XRCC4: variants seen among roughly 807,000 people sequenced by gnomAD.
The protein encoded by XRCC4 is X-ray repair cross complementing 4.
Under a neutral mutation model 39.1 loss-of-function variants are expected in XRCC4, and 28 were observed. That is an observed-to-expected ratio of 0.72 (90% confidence interval 0.53 to 0.98). The LOEUF (loss-of-function observed/expected upper bound fraction) is 0.98, where lower values mean the gene tolerates loss of function less well. Ranked by LOEUF, XRCC4 falls within the 50% of genes least tolerant of loss-of-function variation. The probability of loss-of-function intolerance (pLI) is 0.00; values close to 1 mark genes in which losing one functional copy is unlikely to be tolerated. For missense variants in XRCC4, 350 were observed against 376.4 expected (o/e 0.93, Z 0.58); for synonymous variants, 123 against 126.4 (o/e 0.97, Z 0.18).
At chr5:83,282,388 T>C (rs1416335591) in intron 7 of XRCC4, among the ~76,000 whole-genome samples, 3 of 152,174 alleles carry the variant, frequency 2.0e-5, no homozygotes, top group Non-Finnish European at 4.4e-5. Flanking sequence ...TAGACAGTAC[T>C]TCTTAAAGTA....
chr5:83,209,144 G>T (rs1383314292), intron 6 of XRCC4, among the ~76,000 whole-genome samples: 1 of 150,674 alleles, frequency 6.6e-6, no homozygotes, highest in African/African-American at 2.4e-5. Context: ...AATCTGTTGG[G>T]TTATTATAGA....
At chr5:83,283,887 T>C (rs2112960407) in intron 7 of XRCC4, among the ~76,000 whole-genome samples, 1 of 152,138 alleles carries the variant, frequency 6.6e-6, no homozygotes. Context: ...GTCAGGACTT[T>C]CCCATGGTTT....
At chr5:83,207,070 C>T (rs1751449792) in intron 6 of XRCC4, among the ~76,000 whole-genome samples, 1 of 151,922 alleles carries the variant, frequency 6.6e-6, no homozygotes, top group Non-Finnish European at 1.5e-5. Flanking sequence ...CCCTAGTGTC[C>T]CATTTAAAAT....
At chr5:83,322,338 T>C (rs1207694474) in intron 7 of XRCC4, among the ~76,000 whole-genome samples, 1 of 152,092 alleles carries the variant, frequency 6.6e-6, no homozygotes, top group African/African-American at 2.4e-5. Flanking sequence ...TGACTTTATA[T>C]GCAATTAAAG....
intron 7 of XRCC4, among the ~76,000 whole-genome samples, chr5:83,287,564 C>T (rs979449878): frequency 6.6e-5 from 10 of 151,794 alleles, no homozygotes; most frequent in African/African-American, 1.7e-4. Flanking sequence ...GAAATCTAAT[C>T]GTAAAATCTT....
At chr5:83,111,320 T>G (rs534349596) in intron 3 of XRCC4, 117 bp downstream of exon 3, 1 of 748,552 alleles carries the variant, frequency 1.3e-6, no homozygotes, top group African/African-American at 1.8e-5. Context: ...AGCAAAAGCT[T>G]GAAAAGTACT....
At chr5:83,291,597 C>A (rs1476921331) in intron 7 of XRCC4, among the ~76,000 whole-genome samples, 1 of 151,850 alleles carries the variant, frequency 6.6e-6, no homozygotes, top group Non-Finnish European at 1.5e-5. Context: ...TATTCCCTCA[C>A]ACTTCATCTG....
intron 6 of XRCC4, among the ~76,000 whole-genome samples, chr5:83,245,248 T>C (rs1349080855): frequency 6.6e-6 from 1 of 151,512 alleles, no homozygotes; most frequent in Non-Finnish European, 1.5e-5. Flanking sequence ...AAAAAAAAAC[T>C]ATTCAGCGCT....
intron 3 of XRCC4, among the ~76,000 whole-genome samples, chr5:83,125,867 G>A (rs1053172540): frequency 2.0e-5 from 3 of 151,558 alleles, no homozygotes; most frequent in Non-Finnish European, 4.4e-5. Context: ...CCTGTAATCC[G>A]AGCTACTTGG....
chr5:83,113,918 A>G (rs1375851474), intron 3 of XRCC4, among the ~76,000 whole-genome samples: 1 of 152,124 alleles, frequency 6.6e-6, no homozygotes, highest in Non-Finnish European at 1.5e-5. Context: ...GAGCCACCGC[A>G]CCCAGCGCAG....
chr5:83,201,188 C>T (rs1751177208), intron 4 of XRCC4: 1 of 152,200 alleles, frequency 6.6e-6, no homozygotes, highest in African/African-American at 2.4e-5. Context: ...ATTAGCCATT[C>T]TCCTTGGCTC....
At chr5:83,178,619 G>A (rs1750068763) in intron 3 of XRCC4, among the ~76,000 whole-genome samples, 1 of 152,154 alleles carries the variant, frequency 6.6e-6, no homozygotes, top group Non-Finnish European at 1.5e-5. Context: ...GAGAATTTCA[G>A]TGGAGAATAT....
At chr5:83,153,347 T>G (rs1248401638) in intron 3 of XRCC4, among the ~76,000 whole-genome samples, 1 of 152,134 alleles carries the variant, frequency 6.6e-6, no homozygotes, top group African/African-American at 2.4e-5. Context: ...TAGCTGGGAT[T>G]ACAGGTGCCC....
chr5:83,212,543 T>C (rs961008970), intron 6 of XRCC4, among the ~76,000 whole-genome samples: 4 of 152,052 alleles, frequency 2.6e-5, no homozygotes, highest in Non-Finnish European at 5.9e-5. Flanking sequence ...AAAAAAATAC[T>C]TGAAAAAATG....
chr5:83,125,753 C>T (rs1202277858), intron 3 of XRCC4, among the ~76,000 whole-genome samples: 1 of 118,172 alleles, frequency 8.5e-6, no homozygotes, highest in Non-Finnish European at 1.8e-5. Flanking sequence ...CAGGCCGAGG[C>T]GGGTGGATCA....
chr5:83,328,316 A>T (rs1311203982), intron 7 of XRCC4, among the ~76,000 whole-genome samples: 2 of 152,146 alleles, frequency 1.3e-5, no homozygotes, highest in African/African-American at 4.8e-5. Flanking sequence ...GGATGGGGAC[A>T]CAGCCAAACC....
intron 3 of XRCC4, among the ~76,000 whole-genome samples, chr5:83,172,446 G>C (rs765039176): frequency 1.4e-4 from 22 of 152,226 alleles, no homozygotes; most frequent in Non-Finnish European, 2.9e-4. Context: ...AATTTCCACT[G>C]TAGTTCTCTC....
intron 6 of XRCC4, among the ~76,000 whole-genome samples, chr5:83,222,038 T>C (rs28360178): frequency 0.036 from 5,452 of 151,990 alleles, 147 homozygotes; most frequent in Non-Finnish European, 0.053. Context: ...TTTAATTTTT[T>C]TTACCATTAT....
intron 7 of XRCC4, among the ~76,000 whole-genome samples, chr5:83,263,482 T>G (rs1180880347): frequency 3.3e-5 from 5 of 150,516 alleles, no homozygotes; most frequent in African/African-American, 1.2e-4. Flanking sequence ...GTGTTCCTAT[T>G]TCTCCACATC....
Sources: allele counts gnomAD v4.1 joint callset (sites outside exome capture counted in the v4.1 genomes callset), GRCh38; gene constraint gnomAD v4.1.1; transcripts MANE v1.5; gene names NCBI Gene and HGNC (gene_info 2026-07-23, HGNC 2026-07-21).